The following NEGR1 variants were observed in gnomAD, a reference collection of about 807,000 sequenced individuals.
The protein encoded by NEGR1 is neuronal growth regulator 1, also known as IgLON family member 4.
A neutral mutation model predicts 40.9 loss-of-function variants in NEGR1; 10 were observed. That is an observed-to-expected ratio of 0.24 (90% CI 0.15 to 0.42). The LOEUF is 0.42. Ranked by LOEUF, NEGR1 falls within the 10% of genes least tolerant of loss-of-function variation. NEGR1 has a pLI of 1.00. For synonymous variants in NEGR1, 185 were observed against 166.8 expected, an observed-to-expected ratio of 1.11 and a Z score of -0.84; for missense variants, 352 against 438.9, an observed-to-expected ratio of 0.80 and a Z score of 1.77.
chr1:72,270,707 T>G (rs979939351), intron 1 of NEGR1, among the ~76,000 whole-genome samples: 3 of 151,874 alleles, frequency 2.0e-5, no homozygotes, highest in African/African-American at 7.2e-5. Context: ...CATTTCTCAC[T>G]TATGTCCTCA....
At chr1:71,782,049 A>T (rs1428017882) in intron 2 of NEGR1, among the ~76,000 whole-genome samples, 1 of 152,158 alleles carries the variant, frequency 6.6e-6, no homozygotes, top group African/African-American at 2.4e-5. Context: ...TTAAAGCAGA[A>T]TAGGTTTTTC....
At chr1:71,995,106 G>A (rs78711399) in intron 1 of NEGR1, among the ~76,000 whole-genome samples, 20,786 of 151,130 alleles carry the variant, frequency 0.14, 1,898 homozygotes, top group East Asian at 0.43. Context: ...CAATGTATAA[G>A]CAAGTACCAT....
intron 1 of NEGR1, among the ~76,000 whole-genome samples, chr1:72,167,489 TA>T (rs1651810136): frequency 6.6e-6 from 1 of 152,080 alleles, no homozygotes; most frequent in African/African-American, 2.4e-5. Context: ...TTTTTATTAG[TA>T]AAACAAAGAA....
At chr1:72,118,347 T>A (rs1228586654) in intron 1 of NEGR1, among the ~76,000 whole-genome samples, 1 of 151,866 alleles carries the variant, frequency 6.6e-6, no homozygotes, top group Non-Finnish European at 1.5e-5. Flanking sequence ...TACTATTTTG[T>A]ACTGTGCAGA....
chr1:71,968,713 TATTATTTTCTA>T (rs1354219401), intron 1 of NEGR1, among the ~76,000 whole-genome samples: 2 of 152,242 alleles, frequency 1.3e-5, no homozygotes, highest in African/African-American at 2.4e-5. Context: ...AACTCTGATC[TATTATTTTCTA>T]ATTGGAAACA....
At chr1:71,936,839 CAGA>C (rs1353744674) in intron 1 of NEGR1, among the ~76,000 whole-genome samples, 11 of 152,200 alleles carry the variant, frequency 7.2e-5, no homozygotes, top group Admixed American at 3.9e-4. Flanking sequence ...AGCTTTAGAA[CAGA>C]AGAAGGCTGT....
chr1:72,024,866 C>T (rs952257629), intron 1 of NEGR1, among the ~76,000 whole-genome samples: 123 of 152,102 alleles, frequency 8.1e-4, no homozygotes, highest in African/African-American at 2.9e-3. Context: ...ATAAGCTTAC[C>T]TCTTTAAAAA....
chr1:72,238,823 A>AAGGC (rs1244004000), intron 1 of NEGR1, among the ~76,000 whole-genome samples: 1 of 151,954 alleles, frequency 6.6e-6, no homozygotes, highest in African/African-American at 2.4e-5. Flanking sequence ...AAATGCAAAG[A>AAGGC]AGGCATAGAA....
intron 2 of NEGR1, among the ~76,000 whole-genome samples, chr1:71,860,160 T>G (rs1024730566): frequency 1.3e-5 from 2 of 151,564 alleles, no homozygotes; most frequent in African/African-American, 4.8e-5. Context: ...TATGTGTTCT[T>G]GTGTGACTGG....
chr1:72,010,893 C>T (rs115229970), intron 1 of NEGR1, among the ~76,000 whole-genome samples: 6 of 152,168 alleles, frequency 3.9e-5, no homozygotes, highest in Admixed American at 2.6e-4. Context: ...CATGACAACA[C>T]GTGACCTAGC....
intron 1 of NEGR1, among the ~76,000 whole-genome samples, chr1:72,213,403 G>A (rs994524481): frequency 6.6e-6 from 1 of 151,762 alleles, no homozygotes; most frequent in African/African-American, 2.4e-5. Context: ...ATTTGACATA[G>A]TGATAAATTA....
chr1:71,995,238 C>G (rs779098445), intron 1 of NEGR1, among the ~76,000 whole-genome samples: 3 of 152,016 alleles, frequency 2.0e-5, no homozygotes, highest in African/African-American at 7.3e-5. Flanking sequence ...TTAAAGGCTT[C>G]GCTTGGTTAT....
At chr1:71,493,270 A>G (rs892722461) in intron 6 of NEGR1, among the ~76,000 whole-genome samples, 2 of 152,080 alleles carry the variant, frequency 1.3e-5, no homozygotes, top group Non-Finnish European at 2.9e-5. Flanking sequence ...AAATAGGGAG[A>G]CGTTGACCTC....
At chr1:71,968,626 G>T (rs896966289) in intron 1 of NEGR1, among the ~76,000 whole-genome samples, 5 of 152,092 alleles carry the variant, frequency 3.3e-5, no homozygotes, top group Non-Finnish European at 5.9e-5. Flanking sequence ...GTATAGAAAA[G>T]GTTTTACAAA....
At chr1:71,549,839 T>C (rs920763519) in intron 6 of NEGR1, among the ~76,000 whole-genome samples, 2 of 151,638 alleles carry the variant, frequency 1.3e-5, no homozygotes, top group South Asian at 2.1e-4. Flanking sequence ...CTGTCAGCAA[T>C]TGACTACCAT....
chr1:71,600,329 G>C (rs1649874751), intron 5 of NEGR1, among the ~76,000 whole-genome samples: 1 of 152,198 alleles, frequency 6.6e-6, no homozygotes, highest in Non-Finnish European at 1.5e-5. Context: ...TTTCCAGGTA[G>C]ATTTAGAGCT....
intron 3 of NEGR1, among the ~76,000 whole-genome samples, chr1:71,711,823 C>T (rs1654102880): frequency 6.6e-6 from 1 of 152,130 alleles, no homozygotes; most frequent in African/African-American, 2.4e-5. Flanking sequence ...ACATATGAAA[C>T]ATGGATGAAC....
At chr1:71,967,334 T>C (rs1023222576) in intron 1 of NEGR1, among the ~76,000 whole-genome samples, 5 of 151,878 alleles carry the variant, frequency 3.3e-5, no homozygotes, top group African/African-American at 1.2e-4. Flanking sequence ...GGAAAGAAAA[T>C]AGAGCAATTC....
At chr1:71,962,630 A>G (rs1646174970) in intron 1 of NEGR1, among the ~76,000 whole-genome samples, 1 of 152,096 alleles carries the variant, frequency 6.6e-6, no homozygotes, top group Admixed American at 6.6e-5. Context: ...CTCTTAGATA[A>G]TAATATGTTA....
Sources: allele counts gnomAD v4.1 joint callset (sites outside exome capture counted in the v4.1 genomes callset), GRCh38; gene constraint gnomAD v4.1.1; transcripts MANE v1.5; gene names NCBI Gene and HGNC (gene_info 2026-07-23, HGNC 2026-07-21).